The following EFL1 variants were observed in gnomAD, a reference collection of about 807,000 sequenced individuals.
The protein encoded by EFL1 is elongation factor like GTPase 1, also known as elongation factor-like GTPase 1.
Under a neutral mutation model 126.7 loss-of-function variants are expected in EFL1, and 76 were observed. The observed-to-expected ratio is 0.60, with a 90% CI of 0.50 to 0.73. The LOEUF is 0.73. Ranked by LOEUF, EFL1 falls within the 30% of genes least tolerant of loss-of-function variation. The pLI is 0.00. For missense variants in EFL1, 1,128 were observed against 1,343.2 expected, an observed-to-expected ratio of 0.84 and a Z score of 2.50; for synonymous variants, 410 against 448.4, an observed-to-expected ratio of 0.91 and a Z score of 1.08.
At chr15:82,141,097 C>A (rs2073781894) in intron 18 of EFL1, among the ~76,000 whole-genome samples, 1 of 152,166 alleles carries the variant, frequency 6.6e-6, no homozygotes, top group Non-Finnish European at 1.5e-5. Context: ...GCCAATCTTG[C>A]TGTGACTAGA....
intron 4 of EFL1, among the ~76,000 whole-genome samples, chr15:82,248,262 C>T (rs1019957853): frequency 2.6e-5 from 4 of 152,040 alleles, no homozygotes; most frequent in Non-Finnish European, 4.4e-5. Flanking sequence ...AGAACAAAAT[C>T]TACCCTTCAG....
rs1595982033 is a variant in EFL1, at chr15:82,205,330, G to A, written c.1750+9387C>T. 2.0e-5 allele frequency among the ~76,000 whole-genome samples: 3 copies of A among 152,126 alleles called. No homozygotes were observed. In the East Asian group the frequency reaches 5.8e-4, roughly 29 times the overall value. Reference sequence around the variant, plus strand: ...GATTTGCTAGCAAATGCTCGTTGTGGCTTTTCCATGCATCTACCAGTTTTC... The same window carrying A: ...GATTTGCTAGCAAATGCTCGTTGTGACTTTTCCATGCATCTACCAGTTTTC... On this transcript the variant is annotated intron_variant, in intron 15 of 19. Coordinates refer to ENST00000268206, the MANE Select transcript of EFL1 (RefSeq NM_024580.6).
chr15:82,221,782 G>T (rs2074714806), intron 12 of EFL1, among the ~76,000 whole-genome samples: 1 of 152,220 alleles, frequency 6.6e-6, no homozygotes, highest in African/African-American at 2.4e-5. Flanking sequence ...ATTATAGGAA[G>T]CTCTAAATGT....
chr15:82,198,240 G>A (rs1470205094), intron 15 of EFL1, among the ~76,000 whole-genome samples: 2 of 152,126 alleles, frequency 1.3e-5, no homozygotes, highest in East Asian at 1.9e-4. Flanking sequence ...CTGGAACATT[G>A]CAGATGCCTT....
At chr15:82,216,754 G>A (rs1465760119) in intron 14 of EFL1, among the ~76,000 whole-genome samples, 2 of 152,094 alleles carry the variant, frequency 1.3e-5, no homozygotes, top group Non-Finnish European at 2.9e-5. Context: ...AGAGAGTTTT[G>A]TGACTTCAAC....
chr15:82,242,092 AG>A (rs1470240925), intron 4 of EFL1, among the ~76,000 whole-genome samples: 2 of 152,286 alleles, frequency 1.3e-5, no homozygotes, highest in African/African-American at 4.8e-5. Context: ...CAGGCAAACA[AG>A]AAAAAAAAAG....
chr15:82,199,775 A>G (rs2074447763), intron 15 of EFL1, among the ~76,000 whole-genome samples: 1 of 152,246 alleles, frequency 6.6e-6, no homozygotes, highest in African/African-American at 2.4e-5. Context: ...AGCTTTTTCT[A>G]TATAATTACC....
chr15:82,163,161 T>C (rs1236490027), intron 16 of EFL1, among the ~76,000 whole-genome samples: 1 of 152,172 alleles, frequency 6.6e-6, no homozygotes. Flanking sequence ...GTGCAGATAA[T>C]CTGTCAAACC....
At chr15:82,143,431 AT>A (rs745559652) in intron 18 of EFL1, among the ~76,000 whole-genome samples, 2 of 152,218 alleles carry the variant, frequency 1.3e-5, no homozygotes, top group Non-Finnish European at 2.9e-5. Context: ...GTGATTTGTT[AT>A]TGTTGGTAAC....
intron 15 of EFL1, among the ~76,000 whole-genome samples, chr15:82,210,536 C>A (rs1021721079): frequency 6.6e-6 from 1 of 152,144 alleles, no homozygotes; most frequent in Non-Finnish European, 1.5e-5. Context: ...CTCCATATGA[C>A]TTTAGCCCCC....
intron 7 of EFL1, 119 bp from the exon 8 acceptor site, chr15:82,231,090 T>C (rs2074817913): frequency 4.8e-6 from 6 of 1,240,018 alleles, no homozygotes; most frequent in Non-Finnish European, 6.6e-6. Flanking sequence ...CCTACAAAAT[T>C]TCCTCATTTT....
intron 6 of EFL1, 101 bp downstream of exon 6, chr15:82,240,317 A>T: frequency 8.4e-7 from 1 of 1,188,680 alleles, no homozygotes; most frequent in Admixed American, 2.8e-5. Flanking sequence ...TCTGAAGTGG[A>T]AAAGTTCCCT....
intron 3 of EFL1, among the ~76,000 whole-genome samples, chr15:82,254,163 C>T (rs1221519560): frequency 6.6e-6 from 1 of 152,152 alleles, no homozygotes. Context: ...ATTCTCAATC[C>T]TCATTTTTCT....
chr15:82,177,227 A>C (rs963196264), intron 15 of EFL1, among the ~76,000 whole-genome samples: 3 of 152,230 alleles, frequency 2.0e-5, no homozygotes, highest in African/African-American at 7.2e-5. Flanking sequence ...TTATGCATCA[A>C]TAAGTATACT....
chr15:82,151,489 T>C lies in EFL1; in HGVS notation c.2965A>G (p.Ile989Val), dbSNP rs532264260. 35 of 1,612,336 alleles carry C rather than the reference T, an allele frequency of 2.2e-5. No homozygotes were observed. The East Asian group carries it at 4.5e-4, about 21-fold the overall frequency. ...CCGAGAACATCACCAGTGGCCATGATGTCACATGTGTACATAGCTGCCATC... is the reference window on the plus strand; with the variant it reads ...CCGAGAACATCACCAGTGGCCATGACGTCACATGTGTACATAGCTGCCATC... ...RLMAAMYTCDIMATGDVLGRV... is the reference protein window; with the variant it reads ...RLMAAMYTCDVMATGDVLGRV... The change falls in exon 18 of 20, where the codon ATC becomes GTC. Residue 989 changes from isoleucine to valine, a missense_variant. Coordinates refer to ENST00000268206, the MANE Select transcript of EFL1 (RefSeq NM_024580.6).
intron 15 of EFL1, among the ~76,000 whole-genome samples, chr15:82,168,193 T>C (rs2141246850): frequency 6.6e-6 from 1 of 152,364 alleles, no homozygotes; most frequent in Non-Finnish European, 1.5e-5. Context: ...CTTGGTTTTG[T>C]ATCTTTCATC....
At chr15:82,132,963 C>T (rs2073674752) in intron 19 of EFL1, among the ~76,000 whole-genome samples, 1 of 152,038 alleles carries the variant, frequency 6.6e-6, no homozygotes, top group Non-Finnish European at 1.5e-5. Flanking sequence ...AGGGCTGAGT[C>T]AGTATGGGCT....
intron 15 of EFL1, among the ~76,000 whole-genome samples, chr15:82,179,560 G>GC (rs1341517631): frequency 1.3e-5 from 2 of 152,028 alleles, no homozygotes; most frequent in Non-Finnish European, 2.9e-5. Flanking sequence ...CTAGACCACA[G>GC]CTTTTTTTCC....
Position 82,151,536 on chromosome 15 carries a change from A to T in EFL1, c.2918T>A (p.Leu973Gln). 6.2e-7 allele frequency: 1 copy of T among 1,614,088 alleles called. No homozygotes were observed. The highest frequency in any genetic ancestry group is 1.7e-5 in the Admixed American group (1 of 60,000). The change falls in exon 18 of 20, where the codon CTG (leucine) becomes CAG (glutamine). Residue 973 changes from leucine to glutamine, a missense_variant. Coordinates refer to ENST00000268206, the MANE Select transcript of EFL1 (RefSeq NM_024580.6). ...ATMKEACRYA[L>Q]QVKPQRLMAA... ...CATCAGGCGCTGAGGTTTCACTTGC[A>T]GTGCATAGCGACATGCTTCTTTCAT...
Sources: gnomAD v4.1 joint callset for allele counts (sites outside exome capture counted in the v4.1 genomes callset) on GRCh38, gnomAD v4.1.1 for gene constraint, MANE v1.5 for transcripts, NCBI Gene and HGNC (gene_info 2026-07-23, HGNC 2026-07-21) for gene names.